The following TRMU variants were observed in gnomAD, a reference collection of about 807,000 sequenced individuals.
TRMU encodes mitochondrial tRNA-specific 2-thiouridylase 1.
In TRMU, 49 loss-of-function variants were observed where a neutral mutation model predicts 46.9. That is an observed-to-expected ratio of 1.05 (90% CI 0.83 to 1.33). TRMU has a LOEUF of 1.33. Ranked by LOEUF, TRMU falls within the 40% of genes most tolerant of loss-of-function variation. TRMU has a pLI of 0.00. For missense variants in TRMU, 572 were observed against 532.4 expected, an observed-to-expected ratio of 1.07 and a Z score of -0.73; for synonymous variants, 241 against 200.9, an observed-to-expected ratio of 1.20 and a Z score of -1.69.
chr22:46,335,839 G>A lies in TRMU; in HGVS notation c.75G>A (p.Arg25=), dbSNP rs2272938. The A allele has an allele frequency of 3.9e-6, 6 of 1,550,450 alleles. No homozygotes were observed. In the South Asian group the frequency reaches 7.1e-5, roughly 18 times the overall value. Residue 25 remains arginine (R), a synonymous_variant, in exon 1 of 11, where the codon AGG becomes AGA. Transcript: ENST00000645190. ...VDSAVAALLL[R]RRGYQVTGVF... ...GCGCCGTGGCCGCGCTGCTGCTGAG[G>A]CGGAGAGGTGAGGCGTCCGAGGCTC...
Position 46,335,782 on chromosome 22 carries a change from C to G in TRMU, c.18C>G (p.His6Gln), listed in dbSNP as rs527315924. 2 of 1,556,390 alleles carry G rather than the reference C, an allele frequency of 1.3e-6. No homozygotes were observed. Among genetic ancestry groups the G allele is most frequent in the Admixed American group, 1.9e-5 (1 of 52,912 alleles). ...ACTGGCGGATGCAGGCCTTGCGGCA[C>G]GTCGTGTGCGCCCTGTCCGGCGGCG... The part of the protein sequence containing the change: MQALR[H>Q]VVCALSGGVD... The change falls in exon 1 of 11, where the codon CAC becomes CAG. Residue 6 changes from histidine to glutamine, a missense_variant. His to Gln is a conservative substitution (Grantham distance 24). Coordinates refer to ENST00000645190, the MANE Select transcript of TRMU (RefSeq NM_018006.5).
rs1024632739 is a variant in TRMU, at chr22:46,348,640, T to G, written c.479-1651T>G. ...CAGTGAGGCTCCAGCACAGGCAGCC[T>G]CCTCCAAATGTTGTTCATTCCTTTC... On this transcript the variant is annotated intron_variant, in intron 4 of 10. Transcript: ENST00000645190. This position sits in a 1 kb window ranked among gnomAD's most constrained non-coding sequence, Gnocchi z 4.8. Among the ~76,000 whole-genome samples, 2 of 152,226 alleles carry G rather than the reference T, an allele frequency of 1.3e-5. No individual in the cohort carries two copies. The highest frequency in any genetic ancestry group is 4.8e-5 in the African/African-American group (2 of 41,464).
rs769618756 is a variant in TRMU at position 46,350,269 on chromosome 22, T to TA, written c.479-22_479-21insA. The stretch of plus-strand genomic sequence containing the variant: ...TCATTATTTTTATTCCTGCATCGTC[T>TA]TTTGTTCTTTATTCTTGGCAGCGGT... On this transcript the variant is annotated intron_variant, in intron 4 of 10. Coordinates refer to ENST00000645190, the MANE Select transcript of TRMU (RefSeq NM_018006.5). This position sits in a 1 kb window ranked among gnomAD's most constrained non-coding sequence, Gnocchi z 4.6. The TA allele has an allele frequency of 6.2e-7, 1 of 1,614,156 alleles. No homozygotes were observed. The highest frequency in any genetic ancestry group is 2.2e-5 in the East Asian group (1 of 44,882).
In TRMU at chr22:46,351,727, C is replaced by T. The variant is rs1168946834; in HGVS notation, c.652-394C>T. The T allele has an allele frequency of 2.2e-5, 8 of 355,898 alleles. No homozygotes were observed. The highest frequency in any genetic ancestry group is 4.4e-5 in the Non-Finnish European group (8 of 183,252). 22.0% of individuals were successfully genotyped at this position (355,898 alleles called of 1,614,324 possible). A position where few individuals can be genotyped will look rare whatever the true frequency, so the allele number is the denominator to read the frequency against. The stretch of plus-strand genomic sequence containing the variant: ...AGGAAGGCGCCTCTCTCCTCTGACT[C>T]CCCTGGAGCCCTCCCCTAAGGCCTT... On this transcript the variant is annotated intron_variant, in intron 5 of 10. Transcript: ENST00000645190. The surrounding 1 kb of genome is among the most constrained non-coding windows in gnomAD (Gnocchi z 6.4).
intron 1 of TRMU, 111 bp from the exon 2 acceptor site, chr22:46,337,668 A>G: frequency 1.4e-6 from 2 of 1,431,240 alleles, no homozygotes; most frequent in Non-Finnish European, 1.9e-6. Flanking sequence ...CAGGCCAGGC[A>G]CAGAGGCACA....
Position 46,357,001 on chromosome 22 carries a change from C to T in TRMU, c.1261C>T (p.Leu421Phe), listed in dbSNP as rs749120869. The change falls in exon 11 of 11, where the codon CTC (leucine) becomes TTC (phenylalanine). Residue 421 changes from leucine to phenylalanine, a missense_variant. Leu to Phe is a conservative substitution (Grantham distance 22). Transcript: ENST00000645190. Reference sequence around the variant, plus strand: ...AGATGGTCCAGGCCTGAGTCCCTTGCTCTGACAGAGATGGATCTGCTAGAA... The same window carrying T: ...AGATGGTCCAGGCCTGAGTCCCTTGTTCTGACAGAGATGGATCTGCTAGAA... ...PEDGPGLSPL[L>F] is the part of the protein sequence containing the mutation. 1.9e-6 allele frequency: 3 copies of T among 1,613,530 alleles called. No individual in the cohort carries two copies. The highest frequency in any genetic ancestry group is 2.2e-5 in the East Asian group (1 of 44,886).
At chr22:46,356,593 G>A (rs920989774) in intron 10 of TRMU, 7 of 559,218 alleles carry the variant, frequency 1.3e-5, no homozygotes, top group Admixed American at 3.1e-5. Context: ...TGGAGTCCCA[G>A]GAGAGGCCCC....
intron 8 of TRMU, chr22:46,354,599 G>C (rs1048839146): frequency 1.2e-4 from 18 of 152,774 alleles, no homozygotes; most frequent in African/African-American, 4.1e-4. Flanking sequence ...CCTTCTCTTA[G>C]ACGGAGGCGG....
intron 6 of TRMU, 31 bp from the exon 7 acceptor site, chr22:46,352,233 C>T (rs149471670): frequency 1.2e-6 from 2 of 1,614,190 alleles, no homozygotes; most frequent in Non-Finnish European, 1.7e-6. Context: ...GGGCCTAGAT[C>T]TCCGTCGGTA....
Position 46,357,052 on chromosome 22 carries a change from C to T in TRMU, c.*46C>T, listed in dbSNP as rs763570053. Reference sequence around the variant, plus strand: ...GGAACCTGGAGAGCAGGACCCATGGCTGGGCGGCTGGTGAGCAGTCCAGGT... The same window carrying T: ...GGAACCTGGAGAGCAGGACCCATGGTTGGGCGGCTGGTGAGCAGTCCAGGT... On this transcript the variant is annotated 3_prime_UTR_variant, in exon 11 of 11. Coordinates refer to ENST00000645190, the MANE Select transcript of TRMU (RefSeq NM_018006.5). The T allele has an allele frequency of 4.3e-6, 7 of 1,610,954 alleles. No homozygotes were observed. Among genetic ancestry groups the T allele is most frequent in the Non-Finnish European group, 5.9e-6 (7 of 1,179,082 alleles).
chr22:46,345,777 T>C (rs957131881), intron 3 of TRMU, among the ~76,000 whole-genome samples: 1 of 151,770 alleles, frequency 6.6e-6, no homozygotes, highest in Non-Finnish European at 1.5e-5. Context: ...TTTTTTTTTT[T>C]TTCCTCCTGA....
Position 46,355,564 on chromosome 22 carries a change from C to T in TRMU, c.994C>T (p.Arg332Ter), listed in dbSNP as rs759790041. 5.6e-6 allele frequency: 9 copies of T among 1,613,354 alleles called. No individual in the cohort carries two copies. The highest frequency in any genetic ancestry group is 5.0e-5 in the Admixed American group (3 of 60,032). Residue 332 changes from arginine (R) to a stop codon, truncating the protein, a stop_gained, in exon 9 of 11, where the codon CGA (arginine) becomes TGA (stop). Coordinates refer to ENST00000645190, the MANE Select transcript of TRMU (RefSeq NM_018006.5). LOFTEE classifies it high-confidence loss of function. ...GGACAAGATGATGGAGTGCCACTTCCGATTCCGCCACCAGATGGCACTAGG... is the reference window on the plus strand; with the variant it reads ...GGACAAGATGATGGAGTGCCACTTCTGATTCCGCCACCAGATGGCACTAGG... ...VRDKMMECHF[R>*]FRHQMALVPC...
At chr22:46,356,274 CACCA>C (rs1219768282) in intron 10 of TRMU, 24 of 603,214 alleles carry the variant, frequency 4.0e-5, no homozygotes, top group Non-Finnish European at 6.5e-5. Context: ...ACTCTGGTGT[CACCA>C]ACCAGCCAGT....
chr22:46,355,714 C>T, intron 9 of TRMU, 126 bp downstream of exon 9: 1 of 1,499,112 alleles, frequency 6.7e-7, no homozygotes, highest in Non-Finnish European at 9.1e-7. Flanking sequence ...TGGAGATTAC[C>T]TAAAGTATTT....
Position 46,336,019 on chromosome 22 carries a change from C to T in TRMU, c.82+173C>T, listed in dbSNP as rs1667329048. 6.3e-6 allele frequency: 9 copies of T among 1,439,636 alleles called. No homozygotes were observed. The highest frequency in any genetic ancestry group is 1.5e-5 in the African/African-American group (1 of 68,234). 89.2% of individuals were successfully genotyped at this position (1,439,636 alleles called of 1,614,324 possible). A position where few individuals can be genotyped will look rare whatever the true frequency, so the allele number is the denominator to read the frequency against. ...TGGTTCGGAGGCTCCTCGCCCTCCA[C>T]CTGTGTAGTCGGAGGTGTGCGCGAC... On this transcript the variant is annotated intron_variant, in intron 1 of 10. Coordinates refer to ENST00000645190, the MANE Select transcript of TRMU (RefSeq NM_018006.5). This position sits in a 1 kb window ranked among gnomAD's most constrained non-coding sequence, Gnocchi z 4.1.
rs1224663620 is a variant in TRMU, at chr22:46,338,739, T to G, written c.248+795T>G. 6.6e-6 allele frequency among the ~76,000 whole-genome samples: 1 copy of G among 152,210 alleles called. No homozygotes were observed. The highest frequency in any genetic ancestry group is 6.5e-5 in the Admixed American group (1 of 15,282). On this transcript the variant is annotated intron_variant, in intron 2 of 10. Transcript: ENST00000645190. The surrounding 1 kb of genome is among the most constrained non-coding windows in gnomAD (Gnocchi z 4.5). Reference sequence around the variant, plus strand: ...GGACCGTTGTAAAGTTTGGCTGGACTTTTGTTCCTGCAGTGGAAGGAGTGT... The same window carrying G: ...GGACCGTTGTAAAGTTTGGCTGGACGTTTGTTCCTGCAGTGGAAGGAGTGT...
intron 10 of TRMU, chr22:46,356,447 G>A (rs2078611384): frequency 2.4e-6 from 1 of 424,446 alleles, no homozygotes; most frequent in Non-Finnish European, 4.4e-6. Context: ...GGTGGGTGTA[G>A]GCCTGAGGAA....
intron 10 of TRMU, 37 bp from the exon 11 acceptor site, chr22:46,356,805 C>G (rs759823658): frequency 6.2e-7 from 1 of 1,610,974 alleles, no homozygotes; most frequent in African/African-American, 1.3e-5. Flanking sequence ...GGCTGGCTCC[C>G]TGTGGCACCC....
At chr22:46,353,533 CCTT>C (rs1293753267) in intron 7 of TRMU, 5 of 457,882 alleles carry the variant, frequency 1.1e-5, no homozygotes, top group Non-Finnish European at 2.1e-5. Context: ...GCACAAGGTG[CCTT>C]CTTTGTGGCC....
Sources: allele counts gnomAD v4.1 joint callset (sites outside exome capture counted in the v4.1 genomes callset), GRCh38; gene constraint gnomAD v4.1.1; non-coding constraint Gnocchi (gnomAD v3.1); transcripts MANE v1.5; gene names NCBI Gene and HGNC (gene_info 2026-07-23, HGNC 2026-07-21).